The following ST8SIA6 variants were observed in gnomAD, a reference collection of about 807,000 sequenced individuals.
ST8SIA6 encodes the protein alpha-2,8-sialyltransferase 8F.
ST8SIA6 carries 39 observed loss-of-function variants against 33.6 expected under a neutral mutation model. The ratio of observed to expected loss-of-function variants is 1.16; its 90% CI spans 0.90 to 1.52. The LOEUF (loss-of-function observed/expected upper bound fraction) is 1.52. Among genes scored for constraint, ST8SIA6 ranks in the 40% most tolerant of loss-of-function variants. The pLI, the probability that ST8SIA6 is intolerant of heterozygous loss-of-function variation, is 0.00. For missense variants in ST8SIA6, 441 were observed against 443.8 expected, an observed-to-expected ratio of 0.99 and a Z score of 0.06; for synonymous variants, 172 against 167.2, an observed-to-expected ratio of 1.03 and a Z score of -0.22.
At chr10:17,374,641 G>T (rs1449786130) in intron 3 of ST8SIA6, among the ~76,000 whole-genome samples, 1 of 151,294 alleles carries the variant, frequency 6.6e-6, no homozygotes, top group Non-Finnish European at 1.5e-5. Flanking sequence ...TTGAAACTAG[G>T]AGGCAGAGGT....
intron 3 of ST8SIA6, among the ~76,000 whole-genome samples, chr10:17,372,725 C>G (rs1849776369): frequency 6.6e-6 from 1 of 152,184 alleles, no homozygotes; most frequent in African/African-American, 2.4e-5. Context: ...TTACCCATGA[C>G]TATGTAACAA....
At chr10:17,355,475 A>ATGGCAT in intron 4 of ST8SIA6, among the ~76,000 whole-genome samples, 1 of 152,194 alleles carries the variant, frequency 6.6e-6, no homozygotes, top group Non-Finnish European at 1.5e-5. Context: ...TACAAAGATA[A>ATGGCAT]ACAAGATAAT....
At chr10:17,449,695 C>T (rs1463495180) in intron 2 of ST8SIA6, among the ~76,000 whole-genome samples, 3 of 152,184 alleles carry the variant, frequency 2.0e-5, no homozygotes, top group African/African-American at 7.2e-5. Context: ...CACAATTTAT[C>T]ATTAAGGCTT....
intron 2 of ST8SIA6, among the ~76,000 whole-genome samples, chr10:17,427,159 CAG>C (rs547862494): frequency 1.3e-5 from 2 of 148,640 alleles, no homozygotes; most frequent in South Asian, 2.1e-4. Context: ...AAAGAAAAAA[CAG>C]AGAAAAATGT....
intron 2 of ST8SIA6, among the ~76,000 whole-genome samples, chr10:17,395,918 A>C (rs1850789048): frequency 6.6e-6 from 1 of 152,134 alleles, no homozygotes; most frequent in South Asian, 2.1e-4. Context: ...GAAATAGAAA[A>C]AATGACCTGT....
Position 17,454,213 on chromosome 10 carries a change from GC to G in ST8SIA6, c.42del (p.Leu15CysfsTer37). 3.6e-6 allele frequency: 1 copy of G among 274,812 alleles called. No homozygotes were observed. Among genetic ancestry groups the G allele is most frequent in the Non-Finnish European group, 6.7e-6 (1 of 149,070 alleles). The allele number at this position is 274,812 out of a possible 1,614,324, so 17.0% of individuals were successfully genotyped here. A position where few individuals can be genotyped will look rare whatever the true frequency, so the allele number is the denominator to read the frequency against. On this transcript the variant is annotated frameshift_variant, in exon 1 of 8. Transcript: ENST00000377602. LOFTEE classifies it high-confidence loss of function. This position sits in a 1 kb window ranked among gnomAD's most constrained non-coding sequence, Gnocchi z 4.1. ...GGALLALLASLLLLLLLRLLW... is the reference protein window; with the variant it reads ...GGALLALLASXLLLLLLRLLW... ...AGCAGGCGCAGCAGCAGCAGCAGCA[GC>G]AGGCTGGCGAGCAGGGCGAGCAGTG...
At chr10:17,342,806 G>A (rs536573337) in intron 4 of ST8SIA6, among the ~76,000 whole-genome samples, 9 of 152,112 alleles carry the variant, frequency 5.9e-5, no homozygotes, top group South Asian at 2.1e-4. Context: ...AAAATTAGCC[G>A]GGCATAGTGG....
rs1447846538 is a variant in ST8SIA6 at position 17,454,080 on chromosome 10, A to G, written c.101+75T>C. ...AAGTCTCCGCGCCCGAGGGGAAGCG[A>G]TGGGCGGCTTGGGGGTCCGGGGGCG... On this transcript the variant is annotated intron_variant, in intron 1 of 7. Coordinates refer to ENST00000377602, the MANE Select transcript of ST8SIA6 (RefSeq NM_001004470.3). This position sits in a 1 kb window ranked among gnomAD's most constrained non-coding sequence, Gnocchi z 4.1. The G allele has an allele frequency of 4.1e-6, 1 of 241,610 alleles. No individual in the cohort carries two copies. The allele number at this position is 241,610 out of a possible 1,614,324, so 15.0% of individuals were successfully genotyped here.
At chr10:17,440,006 A>G (rs984936058) in intron 2 of ST8SIA6, among the ~76,000 whole-genome samples, 2 of 152,174 alleles carry the variant, frequency 1.3e-5, no homozygotes, top group African/African-American at 4.8e-5. Flanking sequence ...AGTGCCAACA[A>G]TCTTAAATCA....
chr10:17,401,544 C>T lies in ST8SIA6; in HGVS notation c.201-10924G>A, dbSNP rs12358882. ...GACTTCAAATTATACTACAAGGCTA[C>T]AGTAACCAAAACAGCATGGTACTGG... On this transcript the variant is annotated intron_variant, in intron 2 of 7. Coordinates refer to ENST00000377602, the MANE Select transcript of ST8SIA6 (RefSeq NM_001004470.3). 8.7e-3 allele frequency among the ~76,000 whole-genome samples: 1,319 copies of T among 152,280 alleles called. 11 individuals carry two copies. The highest frequency in any genetic ancestry group is 0.015 in the Non-Finnish European group (1,010 of 68,026).
chr10:17,357,979 A>G lies in ST8SIA6; in HGVS notation c.377+1535T>C, dbSNP rs573798494. 2.0e-4 allele frequency among the ~76,000 whole-genome samples: 31 copies of G among 152,232 alleles called. 1 individual carries two copies. The highest frequency in any genetic ancestry group is 6.5e-4 in the African/African-American group (27 of 41,556). ...TTAGGTTATGATTGTGCAATTTTCAATCTCATCTTCCTGCCACCAGGACCT... is the reference window on the plus strand; with the variant it reads ...TTAGGTTATGATTGTGCAATTTTCAGTCTCATCTTCCTGCCACCAGGACCT... On this transcript the variant is annotated intron_variant, in intron 4 of 7. Transcript: ENST00000377602.
chr10:17,359,906 C>A (rs957237973), intron 3 of ST8SIA6, among the ~76,000 whole-genome samples: 1 of 152,040 alleles, frequency 6.6e-6, no homozygotes, highest in Admixed American at 6.6e-5. Flanking sequence ...AAATAATTGA[C>A]AAATATATAT....
intron 4 of ST8SIA6, among the ~76,000 whole-genome samples, chr10:17,337,259 C>T (rs915724726): frequency 1.3e-5 from 2 of 152,136 alleles, no homozygotes; most frequent in African/African-American, 4.8e-5. Context: ...CCTGCAGAGC[C>T]GTGAGCCAAT....
rs71393004 is a variant in ST8SIA6, at chr10:17,341,900, C to CAAAAAAA, written c.378-10355_378-10349dup. Among the ~76,000 whole-genome samples, 151 of 73,132 alleles carry CAAAAAAA rather than the reference C, an allele frequency of 2.1e-3. 6 individuals are homozygous for CAAAAAAA. The highest frequency in any genetic ancestry group is 7.6e-3 in the African/African-American group (134 of 17,690). The allele number at this position is 73,132 out of a possible 152,430, so 48.0% of individuals were successfully genotyped here. A position where few individuals can be genotyped will look rare whatever the true frequency, so the allele number is the denominator to read the frequency against. ...TGGGCAACAGAGCAAGGCTCCATCTCAAAAAAAAAAAAAAAAAAAAACAAA... is the reference window on the plus strand; with the variant it reads ...TGGGCAACAGAGCAAGGCTCCATCTCAAAAAAAAAAAAAAAAAAAAAAAAAAAACAAA... On this transcript the variant is annotated intron_variant, in intron 4 of 7. Coordinates refer to ENST00000377602, the MANE Select transcript of ST8SIA6 (RefSeq NM_001004470.3).
At chr10:17,389,951 A>G (rs1307149469) in intron 3 of ST8SIA6, among the ~76,000 whole-genome samples, 1 of 151,984 alleles carries the variant, frequency 6.6e-6, no homozygotes. Flanking sequence ...CCTCCTGAGT[A>G]GCTGAAACTA....
At chr10:17,367,892 CT>C (rs1849604217) in intron 3 of ST8SIA6, among the ~76,000 whole-genome samples, 1 of 152,120 alleles carries the variant, frequency 6.6e-6, no homozygotes, top group African/African-American at 2.4e-5. Flanking sequence ...GGCTATTAAC[CT>C]TTTGCATCTT....
intron 4 of ST8SIA6, among the ~76,000 whole-genome samples, chr10:17,349,572 G>A (rs1458171057): frequency 6.6e-6 from 1 of 152,144 alleles, no homozygotes; most frequent in Non-Finnish European, 1.5e-5. Flanking sequence ...AGGAAAACTG[G>A]CTTAGCCTAA....
At position 17,453,518 on chromosome 10, in the gene ST8SIA6, G is replaced by A. The variant is rs775510352; in HGVS notation, c.200+41C>T. ...AGCCGCGCCCCATGCCCGGCTCGCA[G>A]CTCCCGAGCCCCAGTCCGCCCGCGC... On this transcript the variant is annotated intron_variant, in intron 2 of 7. Coordinates refer to ENST00000377602, the MANE Select transcript of ST8SIA6 (RefSeq NM_001004470.3). The A allele has an allele frequency of 3.5e-5, 44 of 1,262,548 alleles. No homozygotes were observed. In the South Asian group the frequency reaches 1.2e-3, roughly 36 times the overall value. 78.2% of individuals were successfully genotyped at this position (1,262,548 alleles called of 1,614,324 possible). A position where few individuals can be genotyped will look rare whatever the true frequency, so the allele number is the denominator to read the frequency against.
intron 2 of ST8SIA6, among the ~76,000 whole-genome samples, chr10:17,443,956 G>A (rs889950036): frequency 6.6e-6 from 1 of 152,158 alleles, no homozygotes; most frequent in Non-Finnish European, 1.5e-5. Flanking sequence ...AAAAGGAATC[G>A]CTGCACCTTG....
Sources: allele counts gnomAD v4.1 joint callset (sites outside exome capture counted in the v4.1 genomes callset), GRCh38; gene constraint gnomAD v4.1.1; non-coding constraint Gnocchi (gnomAD v3.1); transcripts MANE v1.5; gene names NCBI Gene and HGNC (gene_info 2026-07-23, HGNC 2026-07-21).